The following MSI2 variants were observed in gnomAD, a reference collection of about 807,000 sequenced individuals.
The protein encoded by MSI2 is musashi RNA binding protein 2.
In MSI2, 17 loss-of-function variants were observed where a neutral mutation model predicts 45.6. That is an observed-to-expected ratio of 0.37 (90% CI 0.26 to 0.56). MSI2 has a LOEUF of 0.56. Among genes scored for constraint, MSI2 ranks in the 20% least tolerant of loss-of-function variants. The pLI is 0.77. For synonymous variants in MSI2, 156 were observed against 158.2 expected, an observed-to-expected ratio of 0.99 and a Z score of 0.11; for missense variants, 293 against 444.2, an observed-to-expected ratio of 0.66 and a Z score of 3.06.
intron 9 of MSI2, among the ~76,000 whole-genome samples, chr17:57,624,684 A>G (rs1354660823): frequency 6.6e-6 from 1 of 152,144 alleles, no homozygotes; most frequent in Non-Finnish European, 1.5e-5. Context: ...GACCCTGTGG[A>G]GGTAGAGACA....
chr17:57,639,079 A>G (rs1055148780), intron 10 of MSI2, among the ~76,000 whole-genome samples: 1 of 152,134 alleles, frequency 6.6e-6, no homozygotes, highest in African/African-American at 2.4e-5. Flanking sequence ...TCTCTTTTAT[A>G]AGGGCACTAA....
At chr17:57,427,331 G>A (rs1382210323) in intron 6 of MSI2, among the ~76,000 whole-genome samples, 1 of 152,170 alleles carries the variant, frequency 6.6e-6, no homozygotes, top group Admixed American at 6.5e-5. Flanking sequence ...CTAGGAGGTG[G>A]AGGTTGCAGT....
chr17:57,626,442 C>T (rs1272612066), intron 9 of MSI2: 1 of 152,184 alleles, frequency 6.6e-6, no homozygotes, highest in Non-Finnish European at 1.5e-5. Context: ...GTCACACCAG[C>T]CCCTGGACTT....
chr17:57,506,331 G>A (rs1391658277), intron 6 of MSI2, among the ~76,000 whole-genome samples: 1 of 152,196 alleles, frequency 6.6e-6, no homozygotes, highest in Non-Finnish European at 1.5e-5. Flanking sequence ...AAAGGACTCG[G>A]GGAAAACCTG....
chr17:57,297,251 C>T (rs541637626), intron 5 of MSI2, among the ~76,000 whole-genome samples: 16 of 150,856 alleles, frequency 1.1e-4, no homozygotes, highest in Admixed American at 2.6e-4. Context: ...TATACAGGCA[C>T]ACCTTGGAGA....
At chr17:57,387,795 G>A (rs955244341) in intron 5 of MSI2, among the ~76,000 whole-genome samples, 7 of 152,212 alleles carry the variant, frequency 4.6e-5, no homozygotes, top group Admixed American at 1.3e-4. Flanking sequence ...TCACAGATGA[G>A]CAGACAGAGG....
In MSI2 at chr17:57,295,482, G is replaced by GATT. The variant is rs142519824; in HGVS notation, c.312+33306_312+33308dup. Among the ~76,000 whole-genome samples the GATT allele has an allele frequency of 1.6e-4, 25 of 152,160 alleles. No homozygotes were observed. The East Asian group carries it at 2.1e-3, about 13-fold the overall frequency. ...GCAAAAAGTTGGTCAGTTTTTGGGG[G>GATT]ATTATTATTATTATTATTTTTTATA... On this transcript the variant is annotated intron_variant, in intron 5 of 13. Coordinates refer to ENST00000284073, the MANE Select transcript of MSI2 (RefSeq NM_138962.4).
chr17:57,548,862 C>G (rs995414088), intron 7 of MSI2, among the ~76,000 whole-genome samples: 1 of 151,226 alleles, frequency 6.6e-6, no homozygotes, highest in Non-Finnish European at 1.5e-5. Context: ...GTGTGTTCAC[C>G]TCTTCACCCC....
At chr17:57,380,431 G>A (rs1401109079) in intron 5 of MSI2, among the ~76,000 whole-genome samples, 1 of 152,206 alleles carries the variant, frequency 6.6e-6, no homozygotes, top group African/African-American at 2.4e-5. Flanking sequence ...GAGCCACCCA[G>A]ACTTTCATTT....
chr17:57,576,679 T>C (rs1461608128), intron 7 of MSI2, among the ~76,000 whole-genome samples: 1 of 150,962 alleles, frequency 6.6e-6, no homozygotes, highest in Admixed American at 6.6e-5. Flanking sequence ...GCTTGAAACT[T>C]GGAGGTGGAG....
intron 10 of MSI2, among the ~76,000 whole-genome samples, chr17:57,645,948 G>A (rs1256990609): frequency 1.3e-5 from 2 of 152,204 alleles, no homozygotes; most frequent in African/African-American, 4.8e-5. Context: ...CCCCTCCAGG[G>A]ACGTTGAATG....
chr17:57,304,429 T>C (rs549628620), intron 5 of MSI2, among the ~76,000 whole-genome samples: 18 of 150,806 alleles, frequency 1.2e-4, no homozygotes, highest in Admixed American at 1.2e-3. Flanking sequence ...TTTTTTTTTT[T>C]TTTTTCCTTT....
chr17:57,419,206 G>A (rs1329744576), intron 6 of MSI2, among the ~76,000 whole-genome samples: 1 of 149,210 alleles, frequency 6.7e-6, no homozygotes, highest in Non-Finnish European at 1.5e-5. Context: ...TTTTTAAATA[G>A]AGCAAAGAAG....
chr17:57,273,711 C>T (rs985163356), intron 5 of MSI2, among the ~76,000 whole-genome samples: 1 of 152,200 alleles, frequency 6.6e-6, no homozygotes, highest in Non-Finnish European at 1.5e-5. Context: ...TGTGCATTCA[C>T]AGCATTAGCC....
In MSI2 at chr17:57,383,670, A is replaced by T. The variant is rs551888770; in HGVS notation, c.313-17709A>T. Among the ~76,000 whole-genome samples, 45 of 152,342 alleles carry T rather than the reference A, an allele frequency of 3.0e-4. 1 individual carries two copies. In the East Asian group the frequency reaches 6.4e-3, roughly 22 times the overall value. On this transcript the variant is annotated intron_variant, in intron 5 of 13. Transcript: ENST00000284073. ...AGCAAGACTCCGTCTAAAAAAAATAAAATAATAAAATAGAAATCATTTCTA... is the reference window on the plus strand; with the variant it reads ...AGCAAGACTCCGTCTAAAAAAAATATAATAATAAAATAGAAATCATTTCTA...
chr17:57,305,613 G>T (rs1028873287), intron 5 of MSI2, among the ~76,000 whole-genome samples: 1 of 152,108 alleles, frequency 6.6e-6, no homozygotes, highest in African/African-American at 2.4e-5. Context: ...GTTCAGGCAG[G>T]GTGAAGGAAG....
At chr17:57,466,644 C>A (rs2085336046) in intron 6 of MSI2, among the ~76,000 whole-genome samples, 2 of 152,140 alleles carry the variant, frequency 1.3e-5, no homozygotes, top group South Asian at 4.1e-4. Context: ...AAAGAGACTC[C>A]CTTCTCTGGT....
chr17:57,548,629 T>G (rs756506921), intron 7 of MSI2, among the ~76,000 whole-genome samples: 7 of 150,084 alleles, frequency 4.7e-5, no homozygotes, highest in Non-Finnish European at 8.9e-5. Context: ...AATAAAGATT[T>G]GTGGTGTAGT....
rs1014864643 is a variant in MSI2, at chr17:57,552,329, G to T, written c.454+22605G>T. On this transcript the variant is annotated intron_variant, in intron 7 of 13. Transcript: ENST00000284073. This position sits in a 1 kb window ranked among gnomAD's most constrained non-coding sequence, Gnocchi z 4.3. ...TTCCTGAGAGAGTCCTGGGAACTGA[G>T]CTTGGCTTTCTGCCTGCTGCTTGTC... 2.0e-5 allele frequency among the ~76,000 whole-genome samples: 3 copies of T among 152,202 alleles called. No homozygotes were observed. The highest frequency in any genetic ancestry group is 7.2e-5 in the African/African-American group (3 of 41,448).
Sources: allele counts gnomAD v4.1 joint callset (sites outside exome capture counted in the v4.1 genomes callset), GRCh38; gene constraint gnomAD v4.1.1; non-coding constraint Gnocchi (gnomAD v3.1); transcripts MANE v1.5; gene names NCBI Gene and HGNC (gene_info 2026-07-23, HGNC 2026-07-21).